Variants in CALD1 observed in about 807,000 individuals in gnomAD.
CALD1 encodes the protein caldesmon 1.
In CALD1, 33 loss-of-function variants were observed where a neutral mutation model predicts 99.9. The observed-to-expected ratio is 0.33, with a 90% CI of 0.25 to 0.44. CALD1 has a LOEUF of 0.44. Ranked by LOEUF, CALD1 falls within the 20% of genes least tolerant of loss-of-function variation. The pLI is 1.00. For synonymous variants in CALD1, 310 were observed against 325.0 expected, an observed-to-expected ratio of 0.95 and a Z score of 0.50; for missense variants, 861 against 962.1, an observed-to-expected ratio of 0.89 and a Z score of 1.39.
At chr7:134,891,593 G>GC (rs1563072302) in intron 3 of CALD1, 1 of 1,600,878 alleles carries the variant, frequency 6.2e-7, no homozygotes, top group South Asian at 1.1e-5. Flanking sequence ...GTATCTCTCT[G>GC]CCCCGCCGCC....
At chr7:134,836,274 G>A (rs553486883) in intron 1 of CALD1, among the ~76,000 whole-genome samples, 4 of 151,658 alleles carry the variant, frequency 2.6e-5, no homozygotes, top group African/African-American at 9.7e-5. Context: ...TGTTTGATAA[G>A]TTCTATTTAT....
At chr7:134,908,842 TAGAC>T (rs999934702) in intron 3 of CALD1, among the ~76,000 whole-genome samples, 4 of 152,142 alleles carry the variant, frequency 2.6e-5, no homozygotes, top group African/African-American at 7.2e-5. Flanking sequence ...TGAAACAAGT[TAGAC>T]AGGTTTCCTC....
rs528669249 is a variant in CALD1 at position 134,830,607 on chromosome 7, A to G, written c.-129-13277A>G. Among the ~76,000 whole-genome samples the G allele has an allele frequency of 4.0e-5, 6 of 151,766 alleles. No homozygotes were observed. In the East Asian group the frequency reaches 5.8e-4, roughly 15 times the overall value. ...GCCCCAGTGTGTGTTGTTCCCCTCTATGTGTCCATGTGTTCTCATCATTTA... is the reference window on the plus strand; with the variant it reads ...GCCCCAGTGTGTGTTGTTCCCCTCTGTGTGTCCATGTGTTCTCATCATTTA... On this transcript the variant is annotated intron_variant, in intron 1 of 14. Transcript: ENST00000361675.
chr7:134,871,184 G>A (rs997781058), intron 3 of CALD1, among the ~76,000 whole-genome samples: 2 of 151,746 alleles, frequency 1.3e-5, no homozygotes, highest in Admixed American at 6.6e-5. Flanking sequence ...TCTTTACTAC[G>A]ATCATATGTT....
At chr7:134,948,359 G>T (rs1377164700) in intron 8 of CALD1, among the ~76,000 whole-genome samples, 1 of 152,052 alleles carries the variant, frequency 6.6e-6, no homozygotes, top group Non-Finnish European at 1.5e-5. Flanking sequence ...ATTATAAACA[G>T]ATGGATTTGT....
At chr7:134,774,540 G>A (rs1796902219) in intron 1 of CALD1, among the ~76,000 whole-genome samples, 1 of 152,212 alleles carries the variant, frequency 6.6e-6, no homozygotes, top group Non-Finnish European at 1.5e-5. Flanking sequence ...GGTTGAGAGA[G>A]AGATGCTCAC....
chr7:134,749,757 G>A (rs1796669385), intron 1 of CALD1, among the ~76,000 whole-genome samples: 1 of 152,146 alleles, frequency 6.6e-6, no homozygotes, highest in African/African-American at 2.4e-5. Context: ...CAAAACTACA[G>A]AGTTTTTCAA....
intron 1 of CALD1, among the ~76,000 whole-genome samples, chr7:134,760,778 T>C (rs752273048): frequency 5.0e-4 from 76 of 152,286 alleles, no homozygotes; most frequent in Non-Finnish European, 8.2e-4. Context: ...TAAGAGGATG[T>C]TATAAAAATA....
chr7:134,845,319 C>T (rs1298350407), intron 2 of CALD1, among the ~76,000 whole-genome samples: 2 of 152,152 alleles, frequency 1.3e-5, no homozygotes, highest in Non-Finnish European at 2.9e-5. Flanking sequence ...GGATTAGATG[C>T]AGCCTCTGAA....
intron 3 of CALD1, among the ~76,000 whole-genome samples, chr7:134,900,406 G>A (rs746153220): frequency 4.6e-5 from 7 of 152,116 alleles, no homozygotes; most frequent in Non-Finnish European, 7.3e-5. Context: ...GAGGGGTTAG[G>A]TACATTGGAC....
intron 1 of CALD1, among the ~76,000 whole-genome samples, chr7:134,843,074 C>CT (rs1282813223): frequency 6.6e-6 from 1 of 152,198 alleles, no homozygotes; most frequent in African/African-American, 2.4e-5. Context: ...GCTCATTTGC[C>CT]TAACAGGGCC....
chr7:134,916,303 T>C (rs539379105), intron 3 of CALD1, among the ~76,000 whole-genome samples: 2 of 152,232 alleles, frequency 1.3e-5, no homozygotes, highest in South Asian at 4.1e-4. Flanking sequence ...TATATTACAG[T>C]TTCCTGTCTG....
the CALD1 span, among the ~76,000 whole-genome samples, chr7:134,719,740 A>G: frequency 1.3e-5 from 2 of 152,236 alleles, no homozygotes; most frequent in Non-Finnish European, 2.9e-5. Context: ...GCTTTTAAGG[A>G]CCCCAATCTG....
chr7:134,842,671 A>G (rs1330999408), intron 1 of CALD1, among the ~76,000 whole-genome samples: 1 of 152,226 alleles, frequency 6.6e-6, no homozygotes, highest in Non-Finnish European at 1.5e-5. Flanking sequence ...TGCTCTTAGT[A>G]TCCATTTGGA....
At chr7:134,827,846 A>G (rs1261019399) in intron 1 of CALD1, among the ~76,000 whole-genome samples, 1 of 152,218 alleles carries the variant, frequency 6.6e-6, no homozygotes, top group Non-Finnish European at 1.5e-5. Flanking sequence ...GACCGTCTAC[A>G]GAATCTGAAT....
chr7:134,759,350 T>C (rs1392140539), intron 1 of CALD1, among the ~76,000 whole-genome samples: 2 of 152,132 alleles, frequency 1.3e-5, no homozygotes, highest in Non-Finnish European at 2.9e-5. Flanking sequence ...ATGAGCACAA[T>C]TACATTGGAA....
chr7:134,904,185 C>T (rs908816676), intron 3 of CALD1, among the ~76,000 whole-genome samples: 3 of 151,888 alleles, frequency 2.0e-5, no homozygotes, highest in South Asian at 2.1e-4. Flanking sequence ...ATCATGTCAT[C>T]GCACTCCAGC....
At position 134,863,383 on chromosome 7, in the gene CALD1, C is replaced by A. The variant is rs143934275; in HGVS notation, c.-41-4310C>A. ...GACACAACAGATTTTATTCTTCTTG[C>A]ATTCCAAGATCAATACTGGCACTGC... On this transcript the variant is annotated intron_variant, in intron 2 of 14. Coordinates refer to ENST00000361675, the MANE Select transcript of CALD1 (RefSeq NM_033138.4). 1.4e-3 allele frequency among the ~76,000 whole-genome samples: 217 copies of A among 152,340 alleles called. 2 individuals are homozygous for A. The highest frequency in any genetic ancestry group is 5.0e-3 in the African/African-American group (207 of 41,580).
chr7:134,811,132 C>G (rs926689446), intron 1 of CALD1, among the ~76,000 whole-genome samples: 7 of 152,162 alleles, frequency 4.6e-5, no homozygotes, highest in Non-Finnish European at 1.0e-4. Context: ...CATTAAAAGG[C>G]AAGAACAATT....
Sources: allele counts gnomAD v4.1 joint callset (sites outside exome capture counted in the v4.1 genomes callset), GRCh38; gene constraint gnomAD v4.1.1; transcripts MANE v1.5; gene names NCBI Gene and HGNC (gene_info 2026-07-23, HGNC 2026-07-21).